The following LETMD1 variants were observed in gnomAD, a reference collection of about 807,000 sequenced individuals.
LETMD1 encodes the protein LETM1 domain-containing protein 1.
LETMD1 carries 30 observed loss-of-function variants against 43.9 expected under a neutral mutation model. The ratio of observed to expected loss-of-function variants is 0.68; its 90% confidence interval spans 0.51 to 0.93. The LOEUF is 0.93. LETMD1 is among the 40% of genes least tolerant of loss of function. The probability of loss-of-function intolerance (pLI) is 0.00; values close to 1 mark genes in which losing one functional copy is unlikely to be tolerated. For synonymous variants in LETMD1, 176 were observed against 163.1 expected, an observed-to-expected ratio of 1.08 and a Z score of -0.60; for missense variants, 413 against 447.7, an observed-to-expected ratio of 0.92 and a Z score of 0.70.
At chr12:51,052,374 T>C in intron 3 of LETMD1, 167 bp downstream of exon 3, 1 of 746,216 alleles carries the variant, frequency 1.3e-6, no homozygotes, top group East Asian at 2.8e-5. Context: ...TTTGTAAGAA[T>C]TGGGTTCATC....
At position 51,057,931 on chromosome 12, in the gene LETMD1, T is replaced by G; in HGVS notation, c.916-101T>G. On this transcript the variant is annotated intron_variant, in intron 7 of 8. Coordinates refer to ENST00000262055, the MANE Select transcript of LETMD1 (RefSeq NM_015416.5). ...CGAGCCACCGTGCCCGGTGAGATTGTAACTTATTTAAAGGAGATTTAGGAT... is the reference window on the plus strand; with the variant it reads ...CGAGCCACCGTGCCCGGTGAGATTGGAACTTATTTAAAGGAGATTTAGGAT... 3 of 910,870 alleles carry G rather than the reference T, an allele frequency of 3.3e-6. No individual in the cohort carries two copies. In the Admixed American group the frequency reaches 5.3e-5, roughly 16 times the overall value. The allele number at this position is 910,870 out of a possible 1,614,324, so 56.4% of individuals were successfully genotyped here. A position where few individuals can be genotyped will look rare whatever the true frequency, so the allele number is the denominator to read the frequency against.
intron 3 of LETMD1, 53 bp from the exon 4 acceptor site, chr12:51,053,725 T>C: frequency 8.2e-7 from 1 of 1,216,154 alleles, no homozygotes; most frequent in Non-Finnish European, 1.2e-6. Context: ...GATTGTCTAT[T>C]GTATTAACAA....
At chr12:51,061,952 G>C (rs1371676190), downstream of LETMD1, 1 of 152,128 alleles carries the variant, frequency 6.6e-6, no homozygotes, top group Non-Finnish European at 1.5e-5. Flanking sequence ...GGGTAGCTTC[G>C]AGAGCTCAGG....
chr12:51,059,058 C>T (rs1251589423), intron 8 of LETMD1: 3 of 370,524 alleles, frequency 8.1e-6, no homozygotes, highest in East Asian at 5.9e-5. Flanking sequence ...TGAGAAATGT[C>T]CCTAGAGCAC....
chr12:51,060,438 T>C (rs1484860027), downstream of LETMD1: 1 of 152,238 alleles, frequency 6.6e-6, no homozygotes, highest in South Asian at 2.1e-4. Flanking sequence ...ATGCATACTC[T>C]AATCATTTTG....
chr12:51,049,160 T>C lies in LETMD1; in HGVS notation c.249T>C (p.Tyr83=), dbSNP rs768372105. The change falls in exon 2 of 9, where the codon TAT becomes TAC. Residue 83 remains tyrosine (Y), a synonymous_variant. Transcript: ENST00000262055. The stretch of plus-strand genomic sequence containing the variant: ...TGGGTCGTCATTTCCCCCGCTTCTA[T>C]GTCCTGTACACAATCTTCATGAAAG... ...RFLGRHFPRF[Y]VLYTIFMKGL... is the part of the protein sequence containing the mutation. 1.2e-6 allele frequency: 2 copies of C among 1,613,730 alleles called. No individual in the cohort carries two copies. The highest frequency in any genetic ancestry group is 2.2e-5 in the South Asian group (2 of 91,048).
intron 2 of LETMD1, among the ~76,000 whole-genome samples, chr12:51,050,118 C>T (rs1244357899): frequency 6.6e-6 from 1 of 152,112 alleles, no homozygotes; most frequent in African/African-American, 2.4e-5. Context: ...ATTACTTATC[C>T]TTAATTTGTA....
intron 7 of LETMD1, 142 bp from the exon 8 acceptor site, chr12:51,057,890 G>A (rs1020879193): frequency 2.8e-6 from 2 of 714,748 alleles, no homozygotes; most frequent in South Asian, 1.5e-5. Context: ...CTCCCAAAGT[G>A]CTGGGATTAC....
At chr12:51,068,567 A>G in the LETMD1 span, among the ~76,000 whole-genome samples, 3 of 152,152 alleles carry the variant, frequency 2.0e-5, no homozygotes, top group African/African-American at 2.4e-5. Flanking sequence ...TTCTGGGTCC[A>G]AGCTTCTCAA....
At chr12:51,049,342 T>G in intron 2 of LETMD1, 157 bp downstream of exon 2, 1 of 578,232 alleles carries the variant, frequency 1.7e-6, no homozygotes, top group South Asian at 3.0e-5. Flanking sequence ...TTCCTATAAA[T>G]TAGCACTTCT....
At chr12:51,065,618 C>T in the LETMD1 span, among the ~76,000 whole-genome samples, 3 of 152,012 alleles carry the variant, frequency 2.0e-5, 1 homozygote, top group South Asian at 4.2e-4. Flanking sequence ...CCACCGCGCC[C>T]GGCCCTAATT....
At chr12:51,065,711 C>T in the LETMD1 span, among the ~76,000 whole-genome samples, 10 of 152,290 alleles carry the variant, frequency 6.6e-5, no homozygotes, top group African/African-American at 2.2e-4. Flanking sequence ...CCTTCCACCC[C>T]AGCCTCCCAA....
chr12:51,064,114 C>T, downstream of LETMD1: 2 of 1,614,232 alleles, frequency 1.2e-6, no homozygotes, highest in Middle Eastern at 3.3e-4. Flanking sequence ...CTCTGCTCCA[C>T]TTGATAATAG....
intron 7 of LETMD1, 113 bp downstream of exon 7, chr12:51,056,615 T>C (rs757991642): frequency 1.2e-6 from 1 of 840,210 alleles, no homozygotes; most frequent in African/African-American, 1.7e-5. Flanking sequence ...ACCCAGCTTC[T>C]TTATTCTCTC....
chr12:51,063,151 C>T (rs1184942506), downstream of LETMD1: 1 of 152,052 alleles, frequency 6.6e-6, no homozygotes, highest in East Asian at 1.9e-4. Context: ...TCAGAGAACA[C>T]CAAACATGTC....
intron 1 of LETMD1, 91 bp downstream of exon 1, chr12:51,048,569 G>T: frequency 6.6e-7 from 1 of 1,505,648 alleles, no homozygotes; most frequent in Non-Finnish European, 9.1e-7. Context: ...AATTCTCAGA[G>T]TTCCACGCCT....
chr12:51,048,977 G>A (rs1945154086), intron 1 of LETMD1, 57 bp from the exon 2 acceptor site: 1 of 1,504,224 alleles, frequency 6.6e-7, no homozygotes, highest in South Asian at 1.2e-5. Flanking sequence ...AGGGACTCAA[G>A]GCGTGAGGGA....
chr12:51,055,756 G>A, intron 4 of LETMD1, 79 bp from the exon 5 acceptor site: 1 of 881,860 alleles, frequency 1.1e-6, no homozygotes, highest in Non-Finnish European at 1.7e-6. Flanking sequence ...TAGTATTCAT[G>A]TCTACCAAAT....
rs750058901 is a variant in LETMD1 at position 51,055,827 on chromosome 12, C to T, written c.474-8C>T. Reference sequence around the variant, plus strand: ...AGCAAGTGAGTTTGTGATTCTTTCTCCTTTCAGGTACCTGTTTCCCAGGCA... The same window carrying T: ...AGCAAGTGAGTTTGTGATTCTTTCTTCTTTCAGGTACCTGTTTCCCAGGCA... On this transcript the variant is annotated splice_polypyrimidine_tract_variant and splice_region_variant and intron_variant, in intron 4 of 8. Coordinates refer to ENST00000262055, the MANE Select transcript of LETMD1 (RefSeq NM_015416.5). The T allele has an allele frequency of 9.5e-6, 15 of 1,583,542 alleles. No individual in the cohort carries two copies. The highest frequency in any genetic ancestry group is 1.3e-5 in the Non-Finnish European group (15 of 1,165,254).
Sources: gnomAD v4.1 joint callset for allele counts (sites outside exome capture counted in the v4.1 genomes callset) on GRCh38, gnomAD v4.1.1 for gene constraint, MANE v1.5 for transcripts, NCBI Gene and HGNC (gene_info 2026-07-23, HGNC 2026-07-21) for gene names.